The following UNC5C variants were observed in gnomAD, a reference collection of about 807,000 sequenced individuals.
UNC5C encodes netrin receptor UNC5C.
In UNC5C, 47 loss-of-function variants were observed where a neutral mutation model predicts 99.8. The ratio of observed to expected loss-of-function variants is 0.47; its 90% CI spans 0.37 to 0.60. The LOEUF is 0.60. UNC5C is among the 20% of genes least tolerant of loss of function. The pLI, the probability that UNC5C is intolerant of heterozygous loss-of-function variation, is 0.00. For missense variants in UNC5C, 1,062 were observed against 1,165.9 expected, an observed-to-expected ratio of 0.91 and a Z score of 1.30; for synonymous variants, 487 against 452.2, an observed-to-expected ratio of 1.08 and a Z score of -0.98.
intron 12 of UNC5C, among the ~76,000 whole-genome samples, chr4:95,191,370 T>A (rs536742447): frequency 2.0e-5 from 3 of 152,218 alleles, no homozygotes; most frequent in African/African-American, 4.8e-5. Context: ...TTGAAGTATA[T>A]CTATTAGAGT....
At chr4:95,508,742 T>G (rs1031949691) in intron 1 of UNC5C, among the ~76,000 whole-genome samples, 2 of 151,938 alleles carry the variant, frequency 1.3e-5, no homozygotes, top group Non-Finnish European at 2.9e-5. Context: ...CTCAAATAAC[T>G]TGAGAATGAG....
At chr4:95,248,507 G>A in intron 5 of UNC5C, 2 of 455,568 alleles carry the variant, frequency 4.4e-6, no homozygotes, top group Non-Finnish European at 8.8e-6. Flanking sequence ...GGATAAGAAT[G>A]TTACTTTCCT....
In UNC5C at chr4:95,162,675, ACCT is replaced by A. The variant is rs1735719130; in HGVS notation, c.*6556_*6558del. The A allele has an allele frequency of 6.6e-6, 1 of 151,906 alleles. No individual in the cohort carries two copies. The highest frequency in any genetic ancestry group is 2.4e-5 in the African/African-American group (1 of 41,338). The allele number at this position is 151,906 out of a possible 1,614,324, so 9.4% of individuals were successfully genotyped here. On this transcript the variant is annotated 3_prime_UTR_variant, in exon 16 of 16. Coordinates refer to ENST00000453304, the MANE Select transcript of UNC5C (RefSeq NM_003728.4). Reference sequence around the variant, plus strand: ...GGCACACCCGGAGCTGGTATCCCTCACCTCCACCACTCAGCAAGGCGCCGGACA... The same window carrying A: ...GGCACACCCGGAGCTGGTATCCCTCACCACCACTCAGCAAGGCGCCGGACA...
At chr4:95,269,707 G>C (rs765019611) in intron 4 of UNC5C, among the ~76,000 whole-genome samples, 19 of 151,082 alleles carry the variant, frequency 1.3e-4, no homozygotes, top group Non-Finnish European at 2.4e-4. Context: ...GCAAGGCCTT[G>C]ACAATTTTTT....
At chr4:95,266,773 T>G (rs1740462712) in intron 4 of UNC5C, among the ~76,000 whole-genome samples, 2 of 152,176 alleles carry the variant, frequency 1.3e-5, no homozygotes, top group Admixed American at 6.5e-5. Flanking sequence ...CCTAAATACT[T>G]TATTCTTCAG....
chr4:95,406,393 T>C (rs1023667990), intron 1 of UNC5C, among the ~76,000 whole-genome samples: 1 of 152,184 alleles, frequency 6.6e-6, no homozygotes, highest in Non-Finnish European at 1.5e-5. Context: ...GGTGCCATGA[T>C]CCATAGGTAC....
intron 1 of UNC5C, among the ~76,000 whole-genome samples, chr4:95,396,130 G>A (rs1745501596): frequency 6.6e-6 from 1 of 152,182 alleles, no homozygotes; most frequent in Non-Finnish European, 1.5e-5. Context: ...TAATAGGAGG[G>A]TTTGTCTTTA....
In UNC5C at chr4:95,164,844, T is replaced by C. The variant is rs747959270; in HGVS notation, c.*4390A>G. Reference sequence around the variant, plus strand: ...CAGCAAAAGCTAAGACTCATTCAACTTGAAGGCTTGAAAACCCAACAAGTA... The same window carrying C: ...CAGCAAAAGCTAAGACTCATTCAACCTGAAGGCTTGAAAACCCAACAAGTA... On this transcript the variant is annotated 3_prime_UTR_variant, in exon 16 of 16. Transcript: ENST00000453304. The C allele has an allele frequency of 1.3e-5, 2 of 152,280 alleles. No individual in the cohort carries two copies. Among genetic ancestry groups the C allele is most frequent in the African/African-American group, 2.4e-5 (1 of 41,476 alleles). 9.4% of individuals were successfully genotyped at this position (152,280 alleles called of 1,614,324 possible). A position where few individuals can be genotyped will look rare whatever the true frequency, so the allele number is the denominator to read the frequency against.
chr4:95,210,812 G>C (rs1224638799), intron 10 of UNC5C, among the ~76,000 whole-genome samples: 1 of 152,146 alleles, frequency 6.6e-6, no homozygotes, highest in Admixed American at 6.5e-5. Flanking sequence ...CTCATCCTTT[G>C]CTTGTCATTA....
chr4:95,377,961 G>T (rs1214560135), intron 1 of UNC5C, among the ~76,000 whole-genome samples: 1 of 152,148 alleles, frequency 6.6e-6, no homozygotes, highest in Non-Finnish European at 1.5e-5. Flanking sequence ...GAGCTCATGT[G>T]AATGGGCACA....
chr4:95,526,406 A>G (rs1722498810), intron 1 of UNC5C, among the ~76,000 whole-genome samples: 1 of 152,138 alleles, frequency 6.6e-6, no homozygotes, highest in African/African-American at 2.4e-5. Context: ...TTTAATAAGA[A>G]TGAACCTGTT....
chr4:95,300,132 G>A (rs1741815206), intron 3 of UNC5C, among the ~76,000 whole-genome samples: 1 of 152,172 alleles, frequency 6.6e-6, no homozygotes, highest in Admixed American at 6.5e-5. Flanking sequence ...GTTCAGAAAA[G>A]AAAATATATG....
chr4:95,484,268 G>A (rs978490011), intron 1 of UNC5C, among the ~76,000 whole-genome samples: 2 of 151,848 alleles, frequency 1.3e-5, no homozygotes, highest in Admixed American at 6.6e-5. Context: ...AAGATTTTGA[G>A]CAAAGGAGTG....
intron 14 of UNC5C, among the ~76,000 whole-genome samples, chr4:95,179,761 A>AAG (rs1553949903): frequency 2.6e-5 from 4 of 151,338 alleles, no homozygotes; most frequent in Non-Finnish European, 5.9e-5. Context: ...AAAAAAAAAA[A>AAG]AAAAGAAAAA....
rs1435304904 is a variant in UNC5C, at chr4:95,163,184, C to T, written c.*6050G>A. 6.6e-6 allele frequency: 1 copy of T among 152,230 alleles called. No homozygotes were observed. The highest frequency in any genetic ancestry group is 6.5e-5 in the Admixed American group (1 of 15,286). 9.4% of individuals were successfully genotyped at this position (152,230 alleles called of 1,614,324 possible). Reference sequence around the variant, plus strand: ...AATGCAAATCACTTGTTCCACTGTTCTGACTGCTGTACTTTTTCTTGTCCA... The same window carrying T: ...AATGCAAATCACTTGTTCCACTGTTTTGACTGCTGTACTTTTTCTTGTCCA... On this transcript the variant is annotated 3_prime_UTR_variant, in exon 16 of 16. Coordinates refer to ENST00000453304, the MANE Select transcript of UNC5C (RefSeq NM_003728.4).
chr4:95,527,895 T>C (rs1722539172), intron 1 of UNC5C, among the ~76,000 whole-genome samples: 1 of 152,170 alleles, frequency 6.6e-6, no homozygotes, highest in African/African-American at 2.4e-5. Context: ...CCCACATTTT[T>C]GTTTTCAACA....
intron 5 of UNC5C, among the ~76,000 whole-genome samples, chr4:95,245,988 A>G (rs1739490553): frequency 6.6e-6 from 1 of 152,232 alleles, no homozygotes; most frequent in African/African-American, 2.4e-5. Flanking sequence ...TCCTGATACT[A>G]AAGAAGTGTA....
At chr4:95,437,497 A>G (rs1224440484) in intron 1 of UNC5C, among the ~76,000 whole-genome samples, 1 of 152,012 alleles carries the variant, frequency 6.6e-6, no homozygotes, top group Non-Finnish European at 1.5e-5. Flanking sequence ...TTGGGAAAAA[A>G]TACAGAATTT....
rs773946021 is a variant in UNC5C, at chr4:95,206,691, T to C, written c.1839A>G (p.Ala613=). Residue 613 remains alanine (A), a synonymous_variant, in exon 11 of 16, where the codon GCA becomes GCG. Transcript: ENST00000453304. ...TTTTCCAGTCCTCGGTATTGGGGTC[T>C]GCGCAGTGATGCATAGTGAGGACGA... ...RPVVLTMHHC[A]DPNTEDWKIL... 6.2e-7 allele frequency: 1 copy of C among 1,614,138 alleles called. No individual in the cohort carries two copies. The highest frequency in any genetic ancestry group is 1.7e-5 in the Admixed American group (1 of 60,018).
Sources: gnomAD v4.1 joint callset for allele counts (sites outside exome capture counted in the v4.1 genomes callset) on GRCh38, gnomAD v4.1.1 for gene constraint, MANE v1.5 for transcripts, NCBI Gene and HGNC (gene_info 2026-07-23, HGNC 2026-07-21) for gene names.